The following ARID1B variants were observed in gnomAD, a reference collection of about 807,000 sequenced individuals.
ARID1B encodes AT-rich interactive domain-containing protein 1B.
ARID1B carries 30 observed loss-of-function variants against 212.3 expected under a neutral mutation model. That is an observed-to-expected ratio of 0.14 (90% CI 0.11 to 0.19). ARID1B has a LOEUF of 0.19. Among genes scored for constraint, ARID1B ranks in the 10% least tolerant of loss-of-function variants. The pLI is 1.00. For synonymous variants in ARID1B, 1,402 were observed against 1,301.7 expected (o/e 1.08, Z -1.66); for missense variants, 2,891 against 3,204.0 (o/e 0.90, Z 2.36).
chr6:156,905,498 A>T (rs1354192702), intron 3 of ARID1B, among the ~76,000 whole-genome samples: 2 of 152,216 alleles, frequency 1.3e-5, no homozygotes, highest in African/African-American at 4.8e-5. Context: ...ACAATCTGTT[A>T]TTCTCAGAGT....
intron 1 of ARID1B, among the ~76,000 whole-genome samples, chr6:156,787,261 C>T (rs1779709339): frequency 6.6e-6 from 1 of 152,046 alleles, no homozygotes; most frequent in Non-Finnish European, 1.5e-5. Flanking sequence ...ACTTGGATTG[C>T]TGGGGTATTT....
chr6:157,048,647 G>GA (rs1296999927), intron 4 of ARID1B, among the ~76,000 whole-genome samples: 2 of 152,186 alleles, frequency 1.3e-5, no homozygotes, highest in African/African-American at 4.8e-5. Context: ...AATTGTGGTT[G>GA]AAAATATTAC....
chr6:156,818,760 G>C (rs1471722460), intron 1 of ARID1B, among the ~76,000 whole-genome samples: 2 of 152,126 alleles, frequency 1.3e-5, no homozygotes, highest in Admixed American at 1.3e-4. Context: ...TGACACAACT[G>C]CCCGCAACTC....
chr6:156,822,271 G>C (rs1382576664), intron 1 of ARID1B, among the ~76,000 whole-genome samples: 1 of 152,198 alleles, frequency 6.6e-6, no homozygotes, highest in African/African-American at 2.4e-5. Context: ...AAGTTCCAAC[G>C]TGTTAGTTCA....
chr6:156,930,676 G>A (rs894072867), intron 3 of ARID1B, among the ~76,000 whole-genome samples: 2 of 151,974 alleles, frequency 1.3e-5, no homozygotes, highest in Admixed American at 6.5e-5. Context: ...GGTTAAATAC[G>A]TTACTCCACC....
intron 2 of ARID1B, among the ~76,000 whole-genome samples, chr6:156,864,977 T>C (rs899421618): frequency 3.9e-5 from 6 of 152,234 alleles, no homozygotes; most frequent in African/African-American, 1.4e-4. Context: ...CACTCCCCTT[T>C]AGAATCTCAA....
At chr6:157,142,135 C>A (rs1297464889) in intron 7 of ARID1B, among the ~76,000 whole-genome samples, 1 of 152,142 alleles carries the variant, frequency 6.6e-6, no homozygotes, top group Non-Finnish European at 1.5e-5. Flanking sequence ...TGTGTGACTC[C>A]ATGTGACGTT....
At chr6:156,977,089 TACA>T (rs1777297067) in intron 4 of ARID1B, 22 of 151,482 alleles carry the variant, frequency 1.5e-4, no homozygotes, top group South Asian at 3.5e-4. Flanking sequence ...AATACATATT[TACA>T]AAAAAAAAAA....
intron 1 of ARID1B, among the ~76,000 whole-genome samples, chr6:156,827,696 A>G (rs1432892651): frequency 6.8e-6 from 1 of 146,694 alleles, no homozygotes; most frequent in Non-Finnish European, 1.5e-5. Context: ...GCCCTGTGGT[A>G]CTGTACATGC....
intron 4 of ARID1B, among the ~76,000 whole-genome samples, chr6:157,032,393 C>T (rs1233356299): frequency 1.3e-5 from 2 of 152,114 alleles, no homozygotes; most frequent in African/African-American, 4.8e-5. Flanking sequence ...ATGTGGTACA[C>T]ATGCTTAATA....
chr6:156,824,975 C>T (rs1782641527), intron 1 of ARID1B, among the ~76,000 whole-genome samples: 1 of 152,014 alleles, frequency 6.6e-6, no homozygotes, highest in African/African-American at 2.4e-5. Flanking sequence ...AGCAGTTCTC[C>T]TGCCTCAGCC....
chr6:156,864,275 G>T (rs1366638135), intron 2 of ARID1B, among the ~76,000 whole-genome samples: 1 of 152,180 alleles, frequency 6.6e-6, no homozygotes, highest in Non-Finnish European at 1.5e-5. Context: ...AGCCCTCTGA[G>T]TGGGATAAGG....
rs939602554 is a variant in ARID1B, at chr6:156,778,586, G to GGGC, written c.916_918dup (p.Gly306dup). On this transcript the variant is annotated inframe_insertion, in exon 1 of 20. Transcript: ENST00000636930. The stretch of plus-strand genomic sequence containing the variant: ...AGCAGCCGCCGGTCGCCGTGCCCGG[G>GGGC]GGCGGCGGCGGCCCGGCGGCCGTCC... The GGGC allele has an allele frequency of 5.2e-5, 66 of 1,270,768 alleles. No homozygotes were observed. The highest frequency in any genetic ancestry group is 4.9e-4 in the East Asian group (15 of 30,914). 78.7% of individuals were successfully genotyped at this position (1,270,768 alleles called of 1,614,324 possible). A position where few individuals can be genotyped will look rare whatever the true frequency, so the allele number is the denominator to read the frequency against.
chr6:156,790,328 T>C (rs1041671528), intron 1 of ARID1B, among the ~76,000 whole-genome samples: 2 of 152,244 alleles, frequency 1.3e-5, no homozygotes, highest in African/African-American at 2.4e-5. Context: ...TTAAACATTG[T>C]ATTAATTGTT....
At chr6:157,177,418 A>T (rs945465527) in intron 11 of ARID1B, among the ~76,000 whole-genome samples, 1 of 152,254 alleles carries the variant, frequency 6.6e-6, no homozygotes, top group Non-Finnish European at 1.5e-5. Context: ...TGCCGCTTCA[A>T]TTTGGGCTTA....
intron 2 of ARID1B, chr6:156,829,625 C>A: frequency 3.6e-6 from 2 of 563,056 alleles, no homozygotes; most frequent in Non-Finnish European, 6.0e-6. Context: ...GGACAGAATA[C>A]CTGTTTGGTA....
chr6:156,987,490 C>T (rs1191602796), intron 4 of ARID1B, among the ~76,000 whole-genome samples: 1 of 152,080 alleles, frequency 6.6e-6, no homozygotes, highest in African/African-American at 2.4e-5. Context: ...GCTACTGCAC[C>T]CGGCTAATTT....
chr6:156,978,126 C>T (rs1362297933), intron 4 of ARID1B, among the ~76,000 whole-genome samples: 2 of 152,162 alleles, frequency 1.3e-5, no homozygotes, highest in Admixed American at 6.5e-5. Flanking sequence ...ATACCAGGAG[C>T]GTTCTTGTTG....
intron 3 of ARID1B, among the ~76,000 whole-genome samples, chr6:156,912,658 A>G (rs1789989713): frequency 6.6e-6 from 1 of 152,172 alleles, no homozygotes; most frequent in Non-Finnish European, 1.5e-5. Flanking sequence ...AAATCAACAC[A>G]AGCAATCAGG....
Sources: gnomAD v4.1 joint callset for allele counts (sites outside exome capture counted in the v4.1 genomes callset) on GRCh38, gnomAD v4.1.1 for gene constraint, MANE v1.5 for transcripts, NCBI Gene and HGNC (gene_info 2026-07-23, HGNC 2026-07-21) for gene names.